Variants in ALG1 observed in about 807,000 individuals in gnomAD.
ALG1 encodes the protein chitobiosyldiphosphodolichol beta-mannosyltransferase.
Under a neutral mutation model 55.1 loss-of-function variants are expected in ALG1, and 58 were observed. That is an observed-to-expected ratio of 1.05 (90% CI 0.85 to 1.31). The LOEUF (loss-of-function observed/expected upper bound fraction) is 1.31. ALG1 is among the 50% of genes most tolerant of loss of function. The probability of loss-of-function intolerance (pLI) is 0.00; values close to 1 mark genes in which losing one functional copy is unlikely to be tolerated. For missense variants in ALG1, 761 were observed against 598.6 expected (o/e 1.27, Z -2.83); for synonymous variants, 309 against 247.0 (o/e 1.25, Z -2.35).
Position 5,078,904 on chromosome 16 carries a change from G to T in ALG1, c.862+26G>T, listed in dbSNP as rs1316851301. Reference sequence around the variant, plus strand: ...GTCTGCAGGACCCCTGGGGCACTTGGGGTTGGTGTGACGGGCACCTGGCCA... The same window carrying T: ...GTCTGCAGGACCCCTGGGGCACTTGTGGTTGGTGTGACGGGCACCTGGCCA... On this transcript the variant is annotated intron_variant, in intron 7 of 12. Transcript: ENST00000262374. 4.3e-6 allele frequency: 7 copies of T among 1,609,992 alleles called. No individual in the cohort carries two copies. In the African/African-American group the frequency reaches 9.4e-5, roughly 22 times the overall value.
At chr16:5,074,260 C>G (rs147200942) in intron 3 of ALG1, among the ~76,000 whole-genome samples, 19 of 152,214 alleles carry the variant, frequency 1.2e-4, no homozygotes, top group Admixed American at 4.6e-4. Context: ...ATTTTCCTGC[C>G]TCAGCCTCCT....
At chr16:5,080,353 C>G (rs1956995796) in intron 9 of ALG1, among the ~76,000 whole-genome samples, 1 of 152,226 alleles carries the variant, frequency 6.6e-6, no homozygotes. Flanking sequence ...GCACAAATCA[C>G]TGTGCCCGGC....
intron 3 of ALG1, among the ~76,000 whole-genome samples, chr16:5,074,321 A>T (rs1484315287): frequency 6.7e-6 from 1 of 149,640 alleles, no homozygotes; most frequent in Non-Finnish European, 1.5e-5. Flanking sequence ...AATTTTTGTA[A>T]TTTTTTTTAG....
At position 5,078,841 on chromosome 16, in the gene ALG1, G is replaced by C. The variant is rs754552258; in HGVS notation, c.825G>C (p.Glu275Asp). 6.2e-6 allele frequency: 10 copies of C among 1,611,864 alleles called. No homozygotes were observed. Among genetic ancestry groups the C allele is most frequent in the Non-Finnish European group, 8.5e-6 (10 of 1,179,774 alleles). Residue 275 changes from glutamate to aspartate, a missense_variant, in exon 7 of 13, where the codon GAG becomes GAC. Transcript: ENST00000262374. ...GCGGGCTGGTGACGCGTCTCCGTGAGCGGCCAGCCCTGCTGGTCAGCAGCA... is the reference window on the plus strand; with the variant it reads ...GCGGGCTGGTGACGCGTCTCCGTGACCGGCCAGCCCTGCTGGTCAGCAGCA... ...AGSGLVTRLR[E>D]RPALLVSSTS...
chr16:5,079,183 G>C (rs1463921010), intron 8 of ALG1, 81 bp downstream of exon 8: 3 of 1,546,440 alleles, frequency 1.9e-6, no homozygotes, highest in African/African-American at 1.4e-5. Context: ...CCTGCAGCAT[G>C]TTCCTGTCCC....
Position 5,080,950 on chromosome 16 carries a change from AG to A in ALG1, c.969del (p.Pro324LeufsTer2). ...TGTCTGCTCTTCTCTGTGAAGGCAA[AG>A]GGCCTCTGAGGGAGTATTATAGCCG... Reference protein sequence around the residue: ...PSLVCVITGKGPLREYYSRLI... With the variant: ...PSLVCVITGKXPLREYYSRLI... On this transcript the variant is annotated frameshift_variant, in exon 10 of 13. Transcript: ENST00000262374. LOFTEE classifies it high-confidence loss of function. 1 of 1,596,356 alleles carries A rather than the reference AG, an allele frequency of 6.3e-7. No individual in the cohort carries two copies. The highest frequency in any genetic ancestry group is 8.5e-7 in the Non-Finnish European group (1 of 1,179,732).
In ALG1 at chr16:5,087,314, A is replaced by T. The variant is rs1374977938; in HGVS notation, c.*2433A>T. ...GACAAGACTGCTATATGTATATTCTAGGTTTTCCCCTATAGGTATACTTAT... is the reference window on the plus strand; with the variant it reads ...GACAAGACTGCTATATGTATATTCTTGGTTTTCCCCTATAGGTATACTTAT... On this transcript the variant is annotated 3_prime_UTR_variant, in exon 13 of 13. Coordinates refer to ENST00000262374, the MANE Select transcript of ALG1 (RefSeq NM_019109.5). 1 of 152,224 alleles carries T rather than the reference A, an allele frequency of 6.6e-6. No homozygotes were observed. Among genetic ancestry groups the T allele is most frequent in the East Asian group, 1.9e-4 (1 of 5,206 alleles). The allele number at this position is 152,224 out of a possible 1,614,324, so 9.4% of individuals were successfully genotyped here.
chr16:5,077,704 C>T (rs1956938694), intron 5 of ALG1, among the ~76,000 whole-genome samples, 170 bp downstream of exon 5: 1 of 152,164 alleles, frequency 6.6e-6, no homozygotes, highest in Admixed American at 6.6e-5. Flanking sequence ...GGCAGAGTTT[C>T]TTTCTTAGCC....
chr16:5,078,525 C>G, intron 6 of ALG1: 1 of 772,520 alleles, frequency 1.3e-6, no homozygotes, highest in Non-Finnish European at 2.2e-6. Context: ...CAGTAAGTCC[C>G]GTGGAGAAAA....
Position 5,085,787 on chromosome 16 carries a change from G to A in ALG1, c.*906G>A. 1.5e-6 allele frequency: 2 copies of A among 1,376,020 alleles called. No homozygotes were observed. Among genetic ancestry groups the A allele is most frequent in the Non-Finnish European group, 1.0e-6 (1 of 965,080 alleles). The allele number at this position is 1,376,020 out of a possible 1,614,324, so 85.2% of individuals were successfully genotyped here. ...GGCGGTGTTTGGGGACAGGACATGA[G>A]GGTATTGTGTGGGGCTGCTAGGACA... On this transcript the variant is annotated 3_prime_UTR_variant, in exon 13 of 13. Transcript: ENST00000262374.
intron 6 of ALG1, 68 bp from the exon 7 acceptor site, chr16:5,078,689 G>A (rs1956958752): frequency 5.6e-6 from 9 of 1,611,472 alleles, no homozygotes; most frequent in Non-Finnish European, 7.6e-6. Flanking sequence ...CGCCACGGCA[G>A]GAGATGCCTC....
intron 2 of ALG1, 26 bp downstream of exon 2, chr16:5,073,054 C>T (rs369118784): frequency 8.0e-5 from 129 of 1,613,220 alleles, no homozygotes; most frequent in Admixed American, 3.5e-4. Flanking sequence ...CTCCAGAATC[C>T]TCTGAATCCA....
intron 9 of ALG1, 87 bp from the exon 10 acceptor site, chr16:5,080,859 C>T: frequency 6.5e-7 from 1 of 1,530,288 alleles, no homozygotes; most frequent in Non-Finnish European, 8.9e-7. Context: ...GGAAAGGGAT[C>T]CCTCCTAGGG....
intron 3 of ALG1, among the ~76,000 whole-genome samples, chr16:5,074,579 C>T (rs1956874916): frequency 6.6e-6 from 1 of 152,190 alleles, no homozygotes; most frequent in Non-Finnish European, 1.5e-5. Context: ...AGTGTGGCTC[C>T]AAGCACAGCG....
chr16:5,073,416 C>T (rs1956854399), intron 3 of ALG1, 160 bp downstream of exon 3: 2 of 682,996 alleles, frequency 2.9e-6, no homozygotes, highest in Admixed American at 2.2e-5. Flanking sequence ...TTTATGGCAC[C>T]TATCCATGCT....
At chr16:5,076,852 T>C (rs1190744473) in intron 4 of ALG1, among the ~76,000 whole-genome samples, 1 of 145,858 alleles carries the variant, frequency 6.9e-6, no homozygotes, top group Non-Finnish European at 1.5e-5. Flanking sequence ...TGGAGTGCAA[T>C]GGCGCCATCT....
At chr16:5,084,504 A>T in intron 12 of ALG1, 1 of 643,660 alleles carries the variant, frequency 1.6e-6, no homozygotes, top group South Asian at 1.9e-5. Context: ...CAGCACGTAG[A>T]GGCCGGGAGG....
intron 6 of ALG1, chr16:5,078,538 A>T: frequency 2.5e-6 from 2 of 806,048 alleles, no homozygotes; most frequent in South Asian, 1.5e-5. Flanking sequence ...GGAGAAAAGG[A>T]ATGAGTCAGT....
At chr16:5,072,441 ATGT>A (rs1956833444) in intron 1 of ALG1, 2 of 435,808 alleles carry the variant, frequency 4.6e-6, no homozygotes, top group Non-Finnish European at 8.1e-6. Flanking sequence ...CTGCAGACAG[ATGT>A]TTTCATTTGT....
Sources: gnomAD v4.1 joint callset for allele counts (sites outside exome capture counted in the v4.1 genomes callset) on GRCh38, gnomAD v4.1.1 for gene constraint, MANE v1.5 for transcripts, NCBI Gene and HGNC (gene_info 2026-07-23, HGNC 2026-07-21) for gene names.